Variants in AP3B1 observed in about 807,000 individuals in gnomAD.
AP3B1 encodes the protein AP-3 complex subunit beta-1.
Under a neutral mutation model 132.5 loss-of-function variants are expected in AP3B1, and 61 were observed. The observed-to-expected ratio is 0.46, with a 90% confidence interval of 0.37 to 0.57. The LOEUF (loss-of-function observed/expected upper bound fraction) is 0.57, where lower values mean the gene tolerates loss of function less well. AP3B1 is among the 20% of genes least tolerant of loss of function. The pLI is 0.00. For missense variants in AP3B1, 1,120 were observed against 1,289.4 expected (o/e 0.87, Z 2.01); for synonymous variants, 388 against 438.3 (o/e 0.89, Z 1.43).
At chr5:78,049,354 T>G (rs1460035461) in intron 22 of AP3B1, among the ~76,000 whole-genome samples, 1 of 152,234 alleles carries the variant, frequency 6.6e-6, no homozygotes, top group African/African-American at 2.4e-5. Context: ...TCATTAATCA[T>G]TACTCACCAT....
chr5:78,094,387 T>C (rs1015564766), intron 21 of AP3B1, among the ~76,000 whole-genome samples: 3 of 152,268 alleles, frequency 2.0e-5, no homozygotes, highest in East Asian at 1.9e-4. Context: ...TTATAGTCTT[T>C]AAAAAAATTA....
rs575933980 is a variant in AP3B1, at chr5:78,175,162, C to A, written c.1167+464G>T. 1.3e-4 allele frequency among the ~76,000 whole-genome samples: 20 copies of A among 152,330 alleles called. No individual in the cohort carries two copies. The East Asian group carries it at 3.9e-3, about 29-fold the overall frequency. ...TGGCTAGGAAAGGGAAATCACCCGA[C>A]CTCTTGTGCTTCCTGGGTGAGGCAA... On this transcript the variant is annotated intron_variant, in intron 11 of 26. Coordinates refer to ENST00000255194, the MANE Select transcript of AP3B1 (RefSeq NM_003664.5).
chr5:78,189,080 G>A (rs188441388), intron 7 of AP3B1, among the ~76,000 whole-genome samples: 3 of 152,216 alleles, frequency 2.0e-5, no homozygotes, highest in Admixed American at 1.3e-4. Flanking sequence ...GTCAGGGCAG[G>A]GTTAGTGGGG....
chr5:78,258,049 T>TGAAACTACTACAAC (rs1289459277), intron 2 of AP3B1, among the ~76,000 whole-genome samples: 4 of 152,198 alleles, frequency 2.6e-5, no homozygotes, highest in African/African-American at 9.7e-5. Flanking sequence ...CCTCCAACCA[T>TGAAACTACTACAAC]GAAACTACTA....
At chr5:78,136,699 C>G (rs889655655) in intron 15 of AP3B1, among the ~76,000 whole-genome samples, 1 of 150,738 alleles carries the variant, frequency 6.6e-6, no homozygotes, top group African/African-American at 2.5e-5. Flanking sequence ...CCATTTAACA[C>G]GTGTAAAATT....
chr5:78,016,497 ACT>A (rs1746859532), intron 25 of AP3B1, among the ~76,000 whole-genome samples: 2 of 152,084 alleles, frequency 1.3e-5, no homozygotes, highest in Admixed American at 6.5e-5. Flanking sequence ...AGAACCAATA[ACT>A]CTTTGAGATA....
chr5:78,179,367 C>T (rs981360631), intron 8 of AP3B1, among the ~76,000 whole-genome samples: 5 of 152,164 alleles, frequency 3.3e-5, no homozygotes, highest in Admixed American at 3.3e-4. Flanking sequence ...GGCATGCCAT[C>T]TGTTCTAATA....
chr5:78,048,428 G>C (rs1350070734), intron 22 of AP3B1, among the ~76,000 whole-genome samples: 1 of 152,144 alleles, frequency 6.6e-6, no homozygotes, highest in African/African-American at 2.4e-5. Context: ...CCATGATGGA[G>C]CTGGCAAGTT....
intron 6 of AP3B1, among the ~76,000 whole-genome samples, chr5:78,218,997 T>C (rs1034745144): frequency 6.6e-6 from 1 of 152,138 alleles, no homozygotes; most frequent in Non-Finnish European, 1.5e-5. Flanking sequence ...CTCAGGGGTG[T>C]GTTTTTTGCA....
chr5:78,127,057 T>C (rs1055620967), intron 17 of AP3B1, among the ~76,000 whole-genome samples: 1 of 152,210 alleles, frequency 6.6e-6, no homozygotes, highest in Admixed American at 6.5e-5. Context: ...CAGGATAAGT[T>C]GGAGTGGTTA....
At chr5:78,091,277 CAAAAAA>C (rs748473899) in intron 21 of AP3B1, among the ~76,000 whole-genome samples, 5 of 79,494 alleles carry the variant, frequency 6.3e-5, no homozygotes, top group South Asian at 4.1e-4. Context: ...ATGTATTTGA[CAAAAAA>C]AAAAAAAAAA....
chr5:78,062,057 ATATTTT>A (rs1357637123), intron 22 of AP3B1, among the ~76,000 whole-genome samples: 1 of 152,236 alleles, frequency 6.6e-6, no homozygotes, highest in Non-Finnish European at 1.5e-5. Flanking sequence ...ACAGTTTTCA[ATATTTT>A]TATTTGCAGT....
intron 15 of AP3B1, among the ~76,000 whole-genome samples, chr5:78,135,868 CT>C (rs1473538186): frequency 2.0e-5 from 3 of 152,064 alleles, no homozygotes; most frequent in Non-Finnish European, 4.4e-5. Flanking sequence ...TTTATACTGC[CT>C]TAACAGTTCT....
At chr5:78,142,046 T>C (rs775937360) in intron 14 of AP3B1, among the ~76,000 whole-genome samples, 3 of 152,220 alleles carry the variant, frequency 2.0e-5, no homozygotes, top group Admixed American at 2.0e-4. Context: ...ACTGGAAATA[T>C]ATCAAACTGA....
chr5:78,113,977 G>C (rs1000337835), intron 18 of AP3B1, 54 bp from the exon 19 acceptor site: 395 of 1,567,110 alleles, frequency 2.5e-4, no homozygotes, highest in Non-Finnish European at 3.3e-4. Context: ...TTAGACACAC[G>C]GACACCTGTA....
intron 8 of AP3B1, among the ~76,000 whole-genome samples, chr5:78,180,094 T>C (rs2112411249): frequency 6.6e-6 from 1 of 152,282 alleles, no homozygotes; most frequent in East Asian, 1.9e-4. Context: ...AACTAGCATC[T>C]GGCTAAGCTG....
chr5:78,160,605 A>G (rs1743350389), intron 13 of AP3B1, among the ~76,000 whole-genome samples: 1 of 152,096 alleles, frequency 6.6e-6, no homozygotes, highest in African/African-American at 2.4e-5. Context: ...CATTATTTGA[A>G]CAGATGATGA....
intron 24 of AP3B1, among the ~76,000 whole-genome samples, chr5:78,023,986 T>A (rs1561359196): frequency 6.6e-6 from 1 of 151,900 alleles, no homozygotes; most frequent in Non-Finnish European, 1.5e-5. Flanking sequence ...TAGAGCAAGG[T>A]CTTAGGAGAG....
At chr5:78,113,716 A>C (rs1173804509) in intron 19 of AP3B1, 36 bp downstream of exon 19, 1 of 1,610,134 alleles carries the variant, frequency 6.2e-7, no homozygotes, top group South Asian at 1.1e-5. Context: ...CTTTCACAGA[A>C]TATTTTTTGA....
Sources: allele counts gnomAD v4.1 joint callset (sites outside exome capture counted in the v4.1 genomes callset), GRCh38; gene constraint gnomAD v4.1.1; transcripts MANE v1.5; gene names NCBI Gene and HGNC (gene_info 2026-07-23, HGNC 2026-07-21).